CHODL: variants seen among roughly 807,000 people sequenced by gnomAD.
The protein encoded by CHODL is chondrolectin.
Under a neutral mutation model 34.5 loss-of-function variants are expected in CHODL, and 29 were observed. The observed-to-expected ratio is 0.84, with a 90% CI of 0.63 to 1.15. The LOEUF (loss-of-function observed/expected upper bound fraction) is 1.15. CHODL is among the 50% of genes most tolerant of loss of function. CHODL has a pLI of 0.00. For missense variants in CHODL, 332 were observed against 332.5 expected (o/e 1.00, Z 0.01); for synonymous variants, 125 against 116.1 (o/e 1.08, Z -0.49).
At chr21:18,013,512 A>C (rs17002275) in intron 1 of CHODL, among the ~76,000 whole-genome samples, 4,198 of 152,118 alleles carry the variant, frequency 0.028, 218 homozygotes, top group African/African-American at 0.095. Flanking sequence ...TACTTTGATG[A>C]AATTTTTAAG....
chr21:17,936,037 T>C (rs73210365), intron 1 of CHODL, among the ~76,000 whole-genome samples: 2,722 of 149,152 alleles, frequency 0.018, 54 homozygotes, highest in Admixed American at 0.024. Context: ...AATTGCAGGG[T>C]GAAGAAACAT....
At chr21:18,099,765 C>A (rs1011347526) in intron 2 of CHODL, among the ~76,000 whole-genome samples, 1 of 152,056 alleles carries the variant, frequency 6.6e-6, no homozygotes, top group Non-Finnish European at 1.5e-5. Context: ...CTTCTCCACA[C>A]CATTTTTTGA....
chr21:18,118,555 G>C (rs1355520280), intron 2 of CHODL, among the ~76,000 whole-genome samples: 2 of 152,140 alleles, frequency 1.3e-5, no homozygotes, highest in African/African-American at 2.4e-5. Context: ...ATACTGTAAT[G>C]TTTCTAAGAT....
At chr21:18,060,433 G>C (rs949439021) in intron 2 of CHODL, among the ~76,000 whole-genome samples, 6 of 151,394 alleles carry the variant, frequency 4.0e-5, no homozygotes, top group African/African-American at 1.5e-4. Context: ...CTGGGCCACA[G>C]AGTGAGACTC....
intron 2 of CHODL, among the ~76,000 whole-genome samples, chr21:18,031,482 A>G (rs560710265): frequency 1.4e-4 from 21 of 152,124 alleles, no homozygotes; most frequent in Non-Finnish European, 2.5e-4. Context: ...TTTATCTAAT[A>G]TGACCCAGCT....
chr21:18,159,675 G>A (rs772563465), intron 2 of CHODL, among the ~76,000 whole-genome samples: 1 of 152,164 alleles, frequency 6.6e-6, no homozygotes, highest in African/African-American at 2.4e-5. Flanking sequence ...TGGCCAAAGG[G>A]GCTTTGCAGG....
intron 1 of CHODL, among the ~76,000 whole-genome samples, chr21:17,989,145 ATTC>A (rs1308793978): frequency 6.6e-6 from 1 of 152,190 alleles, no homozygotes; most frequent in Non-Finnish European, 1.5e-5. Flanking sequence ...TGTTATAAAT[ATTC>A]TTTTGCTGGA....
intron 2 of CHODL, among the ~76,000 whole-genome samples, chr21:18,146,577 A>G (rs1467355429): frequency 6.6e-6 from 1 of 152,102 alleles, no homozygotes; most frequent in Non-Finnish European, 1.5e-5. Flanking sequence ...CCCTTCCATC[A>G]TAATTGTAAG....
rs371009656 is a variant in CHODL at position 17,978,013 on chromosome 21, A to G, written c.-144-49859A>G. On this transcript the variant is annotated intron_variant, in intron 1 of 6. Coordinates refer to the CHODL transcript ENST00000400127. ...AATATATTTGTTTTCTATTGTTGGC[A>G]TAATAAATTAGCCCAAACAGTGGCT... 3.9e-5 allele frequency among the ~76,000 whole-genome samples: 6 copies of G among 152,042 alleles called. 1 individual carries two copies. Among genetic ancestry groups the G allele is most frequent in the Admixed American group, 1.3e-4 (2 of 15,280 alleles).
chr21:18,162,397 A>G (rs1413086548), intron 2 of CHODL, among the ~76,000 whole-genome samples: 1 of 149,510 alleles, frequency 6.7e-6, no homozygotes, highest in Non-Finnish European at 1.5e-5. Flanking sequence ...GTGCCTTCAT[A>G]TTCACGTGGT....
intron 1 of CHODL, among the ~76,000 whole-genome samples, chr21:17,932,966 G>C (rs1257827537): frequency 6.6e-6 from 1 of 152,206 alleles, no homozygotes; most frequent in East Asian, 1.9e-4. Flanking sequence ...GAGAAGGTCA[G>C]CAGATAAACA....
At chr21:18,159,303 T>C (rs2073069649) in intron 2 of CHODL, among the ~76,000 whole-genome samples, 1 of 152,198 alleles carries the variant, frequency 6.6e-6, no homozygotes, top group Non-Finnish European at 1.5e-5. Context: ...ACACAAACGT[T>C]TGGCAGAGAT....
intron 1 of CHODL, among the ~76,000 whole-genome samples, chr21:17,972,708 C>A (rs9680363): frequency 0.068 from 10,334 of 152,190 alleles, 656 homozygotes; most frequent in African/African-American, 0.17. Context: ...GTGAAAATGT[C>A]CATACTACCC....
chr21:18,151,062 G>A (rs1028853351), intron 2 of CHODL, among the ~76,000 whole-genome samples: 17 of 131,980 alleles, frequency 1.3e-4, no homozygotes, highest in African/African-American at 4.6e-4. Flanking sequence ...CAGACTGGGC[G>A]ACAGAGCGAG....
intron 1 of CHODL, among the ~76,000 whole-genome samples, chr21:17,939,795 C>G (rs1157438677): frequency 6.6e-6 from 1 of 152,200 alleles, no homozygotes; most frequent in Non-Finnish European, 1.5e-5. Context: ...TGAGCTTTAT[C>G]AAACAAGGTA....
At chr21:18,251,448 T>A (rs1369975465) in intron 1 of CHODL, among the ~76,000 whole-genome samples, 1 of 11,536 alleles carries the variant, frequency 8.7e-5, no homozygotes, top group African/African-American at 3.5e-4. Context: ...TATATAAAAA[T>A]ACATATTTAT....
At chr21:18,171,125 T>A (rs1045824930) in intron 2 of CHODL, among the ~76,000 whole-genome samples, 4 of 148,388 alleles carry the variant, frequency 2.7e-5, no homozygotes, top group Non-Finnish European at 4.5e-5. Context: ...TTTTTTTTTT[T>A]AATTGATAGT....
intron 1 of CHODL, among the ~76,000 whole-genome samples, chr21:18,013,279 A>T (rs1484256617): frequency 7.7e-6 from 1 of 129,694 alleles, no homozygotes; most frequent in Non-Finnish European, 1.5e-5. Flanking sequence ...TCTCTGGGAG[A>T]ACCCAAAATA....
At chr21:18,189,083 G>T (rs556649531) in intron 2 of CHODL, among the ~76,000 whole-genome samples, 1 of 152,182 alleles carries the variant, frequency 6.6e-6, no homozygotes, top group Non-Finnish European at 1.5e-5. Flanking sequence ...CAAGTGTGAG[G>T]ACTTTCTCTT....
Sources: allele counts gnomAD v4.1 joint callset (sites outside exome capture counted in the v4.1 genomes callset), GRCh38; gene constraint gnomAD v4.1.1; transcripts MANE v1.5; gene names NCBI Gene and HGNC (gene_info 2026-07-23, HGNC 2026-07-21).